The following ATXN1 variants were observed in gnomAD, a reference collection of about 807,000 sequenced individuals.
The protein encoded by ATXN1 is ataxin 1, also known as ataxin-1.
A neutral mutation model predicts 56.4 loss-of-function variants in ATXN1; 8 were observed. The ratio of observed to expected loss-of-function variants is 0.14; its 90% CI spans 0.08 to 0.26. The LOEUF is 0.26. Among genes scored for constraint, ATXN1 ranks in the 10% least tolerant of loss-of-function variants. The pLI is 1.00. For missense variants in ATXN1, 987 were observed against 1,106.5 expected, an observed-to-expected ratio of 0.89 and a Z score of 1.53; for synonymous variants, 514 against 494.6, an observed-to-expected ratio of 1.04 and a Z score of -0.52.
At chr6:16,599,350 T>G (rs550947483) in intron 3 of ATXN1, among the ~76,000 whole-genome samples, 1 of 152,056 alleles carries the variant, frequency 6.6e-6, no homozygotes, top group Non-Finnish European at 1.5e-5. Flanking sequence ...CTTTTGAAAT[T>G]TGAAAGGCCG....
At chr6:16,599,160 AG>A (rs1467051737) in intron 3 of ATXN1, among the ~76,000 whole-genome samples, 1 of 152,216 alleles carries the variant, frequency 6.6e-6, no homozygotes. Flanking sequence ...CCTATGCATC[AG>A]TACCTCCACA....
At chr6:16,352,218 A>C (rs1186762963) in intron 6 of ATXN1, among the ~76,000 whole-genome samples, 5 of 152,190 alleles carry the variant, frequency 3.3e-5, no homozygotes, top group African/African-American at 7.2e-5. Flanking sequence ...GCAGTGACTG[A>C]GTCTCAATCT....
intron 5 of ATXN1, among the ~76,000 whole-genome samples, chr6:16,487,262 TC>T (rs1167869510): frequency 1.5e-5 from 2 of 129,158 alleles, no homozygotes; most frequent in Non-Finnish European, 3.2e-5. Flanking sequence ...TCCTTTCAAA[TC>T]ATGAGCATGC....
At chr6:16,552,108 A>G (rs1761930501) in intron 4 of ATXN1, among the ~76,000 whole-genome samples, 1 of 152,346 alleles carries the variant, frequency 6.6e-6, no homozygotes, top group East Asian at 1.9e-4. Context: ...CATGCTCTCA[A>G]TGACAACCCA....
chr6:16,416,997 T>A (rs1193984767), intron 6 of ATXN1, among the ~76,000 whole-genome samples: 4 of 152,224 alleles, frequency 2.6e-5, no homozygotes, highest in Non-Finnish European at 5.9e-5. Context: ...AACCCTACAA[T>A]ATTTCTAATG....
intron 6 of ATXN1, among the ~76,000 whole-genome samples, chr6:16,392,647 C>T (rs1429502410): frequency 6.6e-6 from 1 of 152,020 alleles, no homozygotes; most frequent in Non-Finnish European, 1.5e-5. Context: ...AGGCGCCCGC[C>T]ACCACACCTG....
At chr6:16,390,225 C>T (rs765321480) in intron 6 of ATXN1, among the ~76,000 whole-genome samples, 5 of 152,154 alleles carry the variant, frequency 3.3e-5, no homozygotes, top group African/African-American at 9.7e-5. Flanking sequence ...GTTTTACTTC[C>T]CAAGAACTTC....
intron 6 of ATXN1, among the ~76,000 whole-genome samples, chr6:16,403,107 C>T (rs1758611707): frequency 6.6e-6 from 1 of 152,202 alleles, no homozygotes; most frequent in Admixed American, 6.5e-5. Flanking sequence ...GATATAAATA[C>T]ATACGTCACA....
At chr6:16,620,719 G>C (rs1223683795) in intron 3 of ATXN1, among the ~76,000 whole-genome samples, 1 of 152,236 alleles carries the variant, frequency 6.6e-6, no homozygotes, top group South Asian at 2.1e-4. Flanking sequence ...CCATGGCACA[G>C]GTGTATTTAC....
At chr6:16,321,597 A>C (rs1029706351) in intron 7 of ATXN1, among the ~76,000 whole-genome samples, 3 of 152,256 alleles carry the variant, frequency 2.0e-5, no homozygotes, top group Admixed American at 6.5e-5. Flanking sequence ...GGATAGTGAC[A>C]AACACGGAAA....
At chr6:16,524,272 G>A (rs1333071349) in intron 4 of ATXN1, among the ~76,000 whole-genome samples, 1 of 152,120 alleles carries the variant, frequency 6.6e-6, no homozygotes, top group African/African-American at 2.4e-5. Flanking sequence ...ACTATCCTAG[G>A]CTAGGTGGGG....
chr6:16,306,890 AGAAG>A lies in ATXN1; in HGVS notation c.1918-35_1918-32del. Reference sequence around the variant, plus strand: ...GAAACAGGGAGAGACAGAGAGAGGAAGAAGGAAGGGAACAAATGAAAACATTTTA... The same window carrying A: ...GAAACAGGGAGAGACAGAGAGAGGAAGAAGGGAACAAATGAAAACATTTTA... On this transcript the variant is annotated intron_variant, in intron 7 of 7. Transcript: ENST00000436367. The surrounding 1 kb of genome is among the most constrained non-coding windows in gnomAD (Gnocchi z 5.2). 3 of 1,563,088 alleles carry A rather than the reference AGAAG, an allele frequency of 1.9e-6. No homozygotes were observed. The highest frequency in any genetic ancestry group is 2.6e-6 in the Non-Finnish European group (3 of 1,160,524).
At chr6:16,373,590 AC>A (rs1011815527) in intron 6 of ATXN1, among the ~76,000 whole-genome samples, 4 of 152,130 alleles carry the variant, frequency 2.6e-5, no homozygotes, top group African/African-American at 9.7e-5. Context: ...TGTAGGAGGG[AC>A]CTGCTGGGAG....
At position 16,588,240 on chromosome 6, in the gene ATXN1, G is replaced by A. The variant is rs529758204; in HGVS notation, c.-488-2333C>T. ...CTGGCCCCCTAACACGTCTCCCCGCGTCCACCCTGCCACCCTACTACCTTC... is the reference window on the plus strand; with the variant it reads ...CTGGCCCCCTAACACGTCTCCCCGCATCCACCCTGCCACCCTACTACCTTC... On this transcript the variant is annotated intron_variant, in intron 3 of 7. Coordinates refer to ENST00000436367, the MANE Select transcript of ATXN1 (RefSeq NM_001128164.2). 7.9e-5 allele frequency among the ~76,000 whole-genome samples: 12 copies of A among 152,150 alleles called. No homozygotes were observed. The South Asian group carries it at 2.1e-3, about 26-fold the overall frequency.
Position 16,703,944 on chromosome 6 carries a change from G to C in ATXN1, c.-614-46043C>G, listed in dbSNP as rs1315230825. 3.9e-5 allele frequency among the ~76,000 whole-genome samples: 6 copies of C among 152,294 alleles called. No homozygotes were observed. The East Asian group carries it at 5.8e-4, about 15-fold the overall frequency. ...TGAGCCAGGAGAATTGCTTGAACCT[G>C]GGGGGTGGAGGTTGCAGTGAGCTGA... is the stretch of plus-strand genomic sequence containing the variant. On this transcript the variant is annotated intron_variant, in intron 2 of 7. Coordinates refer to ENST00000436367, the MANE Select transcript of ATXN1 (RefSeq NM_001128164.2).
intron 3 of ATXN1, among the ~76,000 whole-genome samples, chr6:16,642,650 G>A (rs1383788298): frequency 3.9e-5 from 6 of 152,252 alleles, no homozygotes; most frequent in South Asian, 2.1e-4. Context: ...TGTGGCAAAC[G>A]TCATTGTTGT....
In ATXN1 at chr6:16,326,962, G is replaced by A; in HGVS notation, c.1349C>T (p.Ala450Val). ...ASEPLPVGLP[A>V]TAFYAGTQPP... ...TTGAGTCCCTGCGTAGAAGGCCGTGGCTGGCAGTCCCACCGGGAGTGGCTC... is the reference window on the plus strand; with the variant it reads ...TTGAGTCCCTGCGTAGAAGGCCGTGACTGGCAGTCCCACCGGGAGTGGCTC... Residue 450 changes from alanine to valine, a missense_variant, in exon 7 of 8, where the codon GCC (alanine) becomes GTC (valine). Physicochemically the swap from Ala to Val is moderately conservative, Grantham distance 64. Coordinates refer to ENST00000436367, the MANE Select transcript of ATXN1 (RefSeq NM_001128164.2). The surrounding 1 kb of genome is among the most constrained non-coding windows in gnomAD (Gnocchi z 6.6). 1 of 1,614,150 alleles carries A rather than the reference G, an allele frequency of 6.2e-7. No individual in the cohort carries two copies. Among genetic ancestry groups the A allele is most frequent in the Non-Finnish European group, 8.5e-7 (1 of 1,180,032 alleles).
chr6:16,546,054 G>C (rs529119245), intron 4 of ATXN1, among the ~76,000 whole-genome samples: 43 of 152,318 alleles, frequency 2.8e-4, no homozygotes, highest in South Asian at 1.7e-3. Context: ...TCAGAGTAGT[G>C]AGTCTGCTGC....
chr6:16,423,266 G>T (rs1340294273), intron 6 of ATXN1, among the ~76,000 whole-genome samples: 1 of 152,024 alleles, frequency 6.6e-6, no homozygotes. Flanking sequence ...CTTCTACTAC[G>T]CAAGGTCTCA....
Sources: gnomAD v4.1 joint callset for allele counts (sites outside exome capture counted in the v4.1 genomes callset) on GRCh38, gnomAD v4.1.1 for gene constraint, Gnocchi (gnomAD v3.1) non-coding constraint, MANE v1.5 for transcripts, NCBI Gene and HGNC (gene_info 2026-07-23, HGNC 2026-07-21) for gene names.